The following GALNTL6 variants were observed in gnomAD, a reference collection of about 807,000 sequenced individuals.
GALNTL6 encodes polypeptide N-acetylgalactosaminyltransferase like 6, also known as polypeptide N-acetylgalactosaminyltransferase-like 6.
A neutral mutation model predicts 73.7 loss-of-function variants in GALNTL6; 46 were observed. The ratio of observed to expected loss-of-function variants is 0.62; its 90% CI spans 0.49 to 0.80. GALNTL6 has a LOEUF of 0.80. GALNTL6 is among the 30% of genes least tolerant of loss of function. GALNTL6 has a pLI of 0.00. For missense variants in GALNTL6, 604 were observed against 755.0 expected (o/e 0.80, Z 2.34); for synonymous variants, 259 against 263.7 (o/e 0.98, Z 0.17).
At chr4:172,465,483 A>G (rs989450197) in intron 5 of GALNTL6, among the ~76,000 whole-genome samples, 2 of 152,048 alleles carry the variant, frequency 1.3e-5, no homozygotes, top group Non-Finnish European at 2.9e-5. Flanking sequence ...TCTCAAAAAA[A>G]GAAAAAAAAA....
At chr4:172,882,717 C>CT in intron 7 of GALNTL6, 73 bp from the exon 8 acceptor site, 5 of 1,033,644 alleles carry the variant, frequency 4.8e-6, no homozygotes, top group Non-Finnish European at 7.6e-6. Context: ...TTGAATTTTA[C>CT]TTTTTTCCCA....
intron 2 of GALNTL6, among the ~76,000 whole-genome samples, chr4:171,982,590 G>A (rs752801053): frequency 5.3e-5 from 8 of 152,234 alleles, no homozygotes; most frequent in Admixed American, 6.5e-5. Context: ...GAGCCACCGC[G>A]CCCGACCGAA....
At chr4:172,999,155 T>C (rs993406882) in intron 10 of GALNTL6, among the ~76,000 whole-genome samples, 7 of 152,126 alleles carry the variant, frequency 4.6e-5, no homozygotes, top group African/African-American at 2.4e-5. Flanking sequence ...CACGCCAAGG[T>C]TGAGATTCAG....
At chr4:171,957,867 G>T (rs932610487) in intron 2 of GALNTL6, among the ~76,000 whole-genome samples, 3 of 152,092 alleles carry the variant, frequency 2.0e-5, no homozygotes, top group Non-Finnish European at 1.5e-5. Flanking sequence ...CAAAAAAAAT[G>T]GTATTTTCTA....
intron 2 of GALNTL6, among the ~76,000 whole-genome samples, chr4:171,988,811 T>A (rs1363414836): frequency 6.6e-6 from 1 of 151,866 alleles, no homozygotes; most frequent in African/African-American, 2.4e-5. Flanking sequence ...TAAGTTTTAA[T>A]AGGATGGTAA....
At chr4:172,053,740 TG>T (rs1207838630) in intron 2 of GALNTL6, among the ~76,000 whole-genome samples, 1 of 152,150 alleles carries the variant, frequency 6.6e-6, no homozygotes, top group Non-Finnish European at 1.5e-5. Flanking sequence ...ATGGTGTGTA[TG>T]TATGCATGCA....
chr4:172,358,841 A>T (rs1157911952), intron 5 of GALNTL6, among the ~76,000 whole-genome samples: 2 of 139,874 alleles, frequency 1.4e-5, no homozygotes, highest in Non-Finnish European at 3.1e-5. Flanking sequence ...TAAAATAATG[A>T]TGGCTATTAA....
At chr4:172,579,360 G>A (rs1031864373) in intron 5 of GALNTL6, among the ~76,000 whole-genome samples, 7 of 151,982 alleles carry the variant, frequency 4.6e-5, no homozygotes, top group African/African-American at 1.7e-4. Context: ...AATTTATGTT[G>A]GTATAGAATA....
At chr4:172,194,283 C>T (rs969631965) in intron 2 of GALNTL6, among the ~76,000 whole-genome samples, 4 of 152,024 alleles carry the variant, frequency 2.6e-5, no homozygotes, top group African/African-American at 9.7e-5. Flanking sequence ...CAGACAAAAT[C>T]GGTGAGAACC....
chr4:172,584,604 C>A (rs1282613132), intron 5 of GALNTL6, among the ~76,000 whole-genome samples: 2 of 152,138 alleles, frequency 1.3e-5, no homozygotes, highest in East Asian at 3.9e-4. Flanking sequence ...ATTAGGAAGA[C>A]TTCCAAGTTT....
chr4:172,830,728 T>G (rs974723958), intron 7 of GALNTL6, among the ~76,000 whole-genome samples: 6 of 152,142 alleles, frequency 3.9e-5, no homozygotes, highest in African/African-American at 1.4e-4. Context: ...TGAACTCCCA[T>G]GAAGGGAGTG....
At chr4:173,005,385 T>C (rs1008705793) in intron 10 of GALNTL6, among the ~76,000 whole-genome samples, 8 of 152,186 alleles carry the variant, frequency 5.3e-5, no homozygotes, top group Admixed American at 2.0e-4. Flanking sequence ...TGAAAATGAT[T>C]GATTCTGCCA....
chr4:172,407,264 G>T (rs1157634220), intron 5 of GALNTL6, among the ~76,000 whole-genome samples: 1 of 151,950 alleles, frequency 6.6e-6, no homozygotes, highest in Non-Finnish European at 1.5e-5. Flanking sequence ...CTGATTTAGG[G>T]TGTAAGCAGG....
intron 11 of GALNTL6, among the ~76,000 whole-genome samples, chr4:173,012,025 G>A (rs1384326087): frequency 6.6e-6 from 1 of 152,178 alleles, no homozygotes; most frequent in Non-Finnish European, 1.5e-5. Context: ...TGCCTCAGCA[G>A]CCTGAGTAGC....
intron 4 of GALNTL6, among the ~76,000 whole-genome samples, chr4:172,340,959 T>G (rs1741537466): frequency 6.6e-6 from 1 of 152,170 alleles, no homozygotes; most frequent in Non-Finnish European, 1.5e-5. Flanking sequence ...TTTAGAGTGC[T>G]CTATCTTGCA....
chr4:172,630,626 A>G (rs55888942), intron 5 of GALNTL6, among the ~76,000 whole-genome samples: 20,580 of 151,714 alleles, frequency 0.14, 1,596 homozygotes, highest in East Asian at 0.25. Flanking sequence ...TTTCTTTTTT[A>G]CAGTTTACTT....
At chr4:172,774,959 CAATAATAATAATAAT>C (rs57591714) in intron 5 of GALNTL6, among the ~76,000 whole-genome samples, 68,522 of 140,516 alleles carry the variant, frequency 0.49, 17,752 homozygotes, top group East Asian at 0.72. Flanking sequence ...GGCTCCATCT[CAATAATAATAATAAT>C]AATAATAATA....
intron 2 of GALNTL6, among the ~76,000 whole-genome samples, chr4:171,877,616 A>G (rs1432620291): frequency 6.6e-6 from 1 of 151,972 alleles, no homozygotes; most frequent in Non-Finnish European, 1.5e-5. Context: ...AAATTACCTA[A>G]TGTATCACTC....
At chr4:172,702,874 T>G (rs758446912) in intron 5 of GALNTL6, among the ~76,000 whole-genome samples, 20 of 152,002 alleles carry the variant, frequency 1.3e-4, no homozygotes, top group Non-Finnish European at 2.6e-4. Flanking sequence ...TTATTTTATT[T>G]AAAGTTTATT....
Sources: allele counts gnomAD v4.1 joint callset (sites outside exome capture counted in the v4.1 genomes callset), GRCh38; gene constraint gnomAD v4.1.1; transcripts MANE v1.5; gene names NCBI Gene and HGNC (gene_info 2026-07-23, HGNC 2026-07-21).